PRDM16: variants seen among roughly 807,000 people sequenced by gnomAD.
The protein encoded by PRDM16 is PR/SET domain 16.
In PRDM16, 23 loss-of-function variants were observed where a neutral mutation model predicts 110.6. The observed-to-expected ratio is 0.21, with a 90% CI of 0.15 to 0.29. PRDM16 has a LOEUF of 0.29. Among genes scored for constraint, PRDM16 ranks in the 10% least tolerant of loss-of-function variants. The pLI is 1.00. For synonymous variants in PRDM16, 799 were observed against 781.8 expected (o/e 1.02, Z -0.37); for missense variants, 1,615 against 1,794.3 (o/e 0.90, Z 1.81).
intron 8 of PRDM16, among the ~76,000 whole-genome samples, chr1:3,408,559 T>G (rs1473479840): frequency 7.2e-6 from 1 of 138,106 alleles, no homozygotes; most frequent in African/African-American, 2.7e-5. Flanking sequence ...AGCTGGTGCA[T>G]GTGTCGGTGC....
chr1:3,155,360 G>A (rs1385102109), intron 1 of PRDM16, among the ~76,000 whole-genome samples: 1 of 152,244 alleles, frequency 6.6e-6, no homozygotes, highest in Admixed American at 6.5e-5. Flanking sequence ...GGCTTCGCCC[G>A]ATTAGCATGG....
At chr1:3,242,374 C>T (rs1053295158) in intron 2 of PRDM16, among the ~76,000 whole-genome samples, 1 of 152,226 alleles carries the variant, frequency 6.6e-6, no homozygotes, top group Non-Finnish European at 1.5e-5. Context: ...CTGCCCGGGG[C>T]GGCTCACTAC....
Position 3,198,706 on chromosome 1 carries a change from A to G in PRDM16, c.387+12232A>G, listed in dbSNP as rs1030190637. ...CTCCGGTCCCGGCTGCGCCTCTTGC[A>G]CCAGGCTGGGGCAGGGATTACCAGC... On this transcript the variant is annotated intron_variant, in intron 2 of 16. Coordinates refer to ENST00000270722, the MANE Select transcript of PRDM16 (RefSeq NM_022114.4). Among the ~76,000 whole-genome samples, 32 of 152,170 alleles carry G rather than the reference A, an allele frequency of 2.1e-4. 1 individual carries two copies. Among genetic ancestry groups the G allele is most frequent in the African/African-American group, 6.5e-4 (27 of 41,450 alleles).
chr1:3,302,496 G>A (rs1641227724), intron 3 of PRDM16, among the ~76,000 whole-genome samples: 1 of 90,118 alleles, frequency 1.1e-5, no homozygotes, highest in African/African-American at 4.4e-5. Flanking sequence ...TTGCCACAAA[G>A]TATCCATTTG....
chr1:3,343,736 G>A (rs1345749788), intron 3 of PRDM16, among the ~76,000 whole-genome samples: 11 of 151,816 alleles, frequency 7.2e-5, no homozygotes, highest in East Asian at 3.9e-4. Context: ...CGGGTTCTCC[G>A]CCTCCGCCAT....
Position 3,411,774 on chromosome 1 carries a change from C to T in PRDM16, c.1577C>T (p.Pro526Leu), listed in dbSNP as rs1212640513. ...TTCCCTCCATCCTTGTACCCCCGGC[C>T]GCCTCTGCTACCTCCCACATCGCTG... is the stretch of plus-strand genomic sequence containing the variant. ...GIFPPSLYPR[P>L]PLLPPTSLLK... The change falls in exon 9 of 17, where the codon CCG becomes CTG. Residue 526 changes from proline (P) to leucine (L), a missense_variant. This residue lies in a region of PRDM16 where 772 missense variants were observed against 748.3 expected (regional missense o/e 1.03). Transcript: ENST00000270722. The T allele has an allele frequency of 7.4e-6, 12 of 1,611,760 alleles. No individual in the cohort carries two copies. The highest frequency in any genetic ancestry group is 2.2e-5 in the East Asian group (1 of 44,876).
intron 4 of PRDM16, among the ~76,000 whole-genome samples, chr1:3,389,949 G>GCCCCCCCCCCCCCCC (rs70938087): frequency 2.1e-4 from 22 of 106,946 alleles, no homozygotes; most frequent in South Asian, 3.0e-4. Flanking sequence ...CTGGGGGTGC[G>GCCCCCCCCCCCCCCC]CCCCCCCCCC....
chr1:3,371,518 A>G (rs556280784), intron 3 of PRDM16, among the ~76,000 whole-genome samples: 28 of 147,964 alleles, frequency 1.9e-4, no homozygotes, highest in Non-Finnish European at 3.6e-4. Flanking sequence ...TCACCCACCC[A>G]TCCACCATCT....
intron 2 of PRDM16, among the ~76,000 whole-genome samples, chr1:3,187,547 TG>T (rs763878640): frequency 6.6e-6 from 1 of 152,164 alleles, no homozygotes; most frequent in Non-Finnish European, 1.5e-5. Context: ...AGACAGGCCG[TG>T]GGGAGGTTCC....
Position 3,277,792 on chromosome 1 carries a change from C to CACAAACGCACAT in PRDM16, c.438+33666_438+33667insTACAAACGCACA, listed in dbSNP as rs879321694. Among the ~76,000 whole-genome samples, 57 of 152,262 alleles carry CACAAACGCACAT rather than the reference C, an allele frequency of 3.7e-4. No homozygotes were observed. The Middle Eastern group carries it at 0.017, about 45-fold the overall frequency. On this transcript the variant is annotated intron_variant, in intron 3 of 16. Coordinates refer to ENST00000270722, the MANE Select transcript of PRDM16 (RefSeq NM_022114.4). ...GCACACACACGCACACATATGCACA[C>CACAAACGCACAT]ACAAACGCACAGTTGTGAACACGAG...
At chr1:3,310,506 G>T (rs1273191115) in intron 3 of PRDM16, among the ~76,000 whole-genome samples, 1 of 152,140 alleles carries the variant, frequency 6.6e-6, no homozygotes, top group East Asian at 1.9e-4. Flanking sequence ...CTGCTGAGGG[G>T]TCTCAGCCAA....
intron 1 of PRDM16, among the ~76,000 whole-genome samples, chr1:3,070,208 TCTTA>T (rs1438628408): frequency 6.6e-6 from 1 of 151,210 alleles, no homozygotes; most frequent in African/African-American, 2.4e-5. Context: ...CGGTCCTCGG[TCTTA>T]CTTTCTCTTT....
At chr1:3,242,951 A>G (rs1639708650) in intron 2 of PRDM16, among the ~76,000 whole-genome samples, 2 of 152,270 alleles carry the variant, frequency 1.3e-5, no homozygotes, top group South Asian at 4.1e-4. Flanking sequence ...TCTAGAGCTC[A>G]TTTGTCAGTT....
intron 3 of PRDM16, among the ~76,000 whole-genome samples, chr1:3,294,037 G>A (rs1641034765): frequency 6.6e-6 from 1 of 152,122 alleles, no homozygotes; most frequent in Non-Finnish European, 1.5e-5. Context: ...TCACTGTGGC[G>A]GCTCCTTACT....
chr1:3,214,041 C>A, intron 2 of PRDM16, among the ~76,000 whole-genome samples: 1 of 152,196 alleles, frequency 6.6e-6, no homozygotes, highest in East Asian at 1.9e-4. Context: ...ATCCTTCTCC[C>A]ACCACAGCCC....
chr1:3,265,313 T>G lies in PRDM16; in HGVS notation c.438+21176T>G, dbSNP rs1329154669. The stretch of plus-strand genomic sequence containing the variant: ...GAGCGGACAGGAATGCAGGTGTGGG[T>G]GGGAAGGGGCTGAAAACGGACAGGA... On this transcript the variant is annotated intron_variant, in intron 3 of 16. Transcript: ENST00000270722. This position sits in a 1 kb window ranked among gnomAD's most constrained non-coding sequence, Gnocchi z 4.5. Among the ~76,000 whole-genome samples, 1 of 150,130 alleles carries G rather than the reference T, an allele frequency of 6.7e-6. No individual in the cohort carries two copies. The highest frequency in any genetic ancestry group is 6.6e-5 in the Admixed American group (1 of 15,126).
intron 1 of PRDM16, among the ~76,000 whole-genome samples, chr1:3,118,742 G>C (rs1188486458): frequency 6.6e-6 from 1 of 152,168 alleles, no homozygotes; most frequent in Non-Finnish European, 1.5e-5. Flanking sequence ...CACGTGGATG[G>C]AGTCCAGGGA....
chr1:3,193,255 C>G (rs1399916408), intron 2 of PRDM16, among the ~76,000 whole-genome samples: 1 of 152,244 alleles, frequency 6.6e-6, no homozygotes, highest in Non-Finnish European at 1.5e-5. Context: ...CCCGTCCCGC[C>G]TCCAGGGCTG....
At chr1:3,432,257 C>T (rs998877845) in intron 16 of PRDM16, 117 bp downstream of exon 16, 29 of 818,038 alleles carry the variant, frequency 3.5e-5, no homozygotes, top group Admixed American at 7.0e-5. Flanking sequence ...GTCACGCAAA[C>T]GCCCCCACGC....
Sources: gnomAD v4.1 joint callset for allele counts (sites outside exome capture counted in the v4.1 genomes callset) on GRCh38, gnomAD v4.1.1 for gene constraint, gnomAD v4.1.1 regional missense constraint, Gnocchi (gnomAD v3.1) non-coding constraint, MANE v1.5 for transcripts, NCBI Gene and HGNC (gene_info 2026-07-23, HGNC 2026-07-21) for gene names.